The following ADAP1 variants were observed in gnomAD, a reference collection of about 807,000 sequenced individuals.
ADAP1 encodes the protein ArfGAP with dual PH domains 1.
In ADAP1, 31 loss-of-function variants were observed where a neutral mutation model predicts 54.9. The observed-to-expected ratio is 0.56, with a 90% CI of 0.42 to 0.76. The LOEUF is 0.76. Among genes scored for constraint, ADAP1 ranks in the 30% least tolerant of loss-of-function variants. ADAP1 has a pLI of 0.00. For missense variants in ADAP1, 535 were observed against 512.4 expected (o/e 1.04, Z -0.42); for synonymous variants, 313 against 202.6 (o/e 1.55, Z -4.63).
rs757580530 is a variant in ADAP1 at position 920,758 on chromosome 7, C to T, written c.306-708G>A. 1.9e-5 allele frequency: 30 copies of T among 1,542,252 alleles called. No individual in the cohort carries two copies. Among genetic ancestry groups the T allele is most frequent in the South Asian group, 1.1e-4 (9 of 83,706 alleles). On this transcript the variant is annotated intron_variant, in intron 3 of 10. Coordinates refer to ENST00000265846, the MANE Select transcript of ADAP1 (RefSeq NM_006869.4). The surrounding 1 kb of genome is among the most constrained non-coding windows in gnomAD (Gnocchi z 4.5). ...CATCCCTGCCCAGAGCCACCCACCACGGCCTCCCCATCCACCGTGACTCAC... is the reference window on the plus strand; with the variant it reads ...CATCCCTGCCCAGAGCCACCCACCATGGCCTCCCCATCCACCGTGACTCAC...
rs1847140545 is a variant in ADAP1, at chr7:946,392, G to A, written c.82+8004C>T. Among the ~76,000 whole-genome samples the A allele has an allele frequency of 6.6e-6, 1 of 151,922 alleles. No homozygotes were observed. Among genetic ancestry groups the A allele is most frequent in the Non-Finnish European group, 1.5e-5 (1 of 67,970 alleles). ...GGCGGCCCTGGTCCCATTCCATTGTGAGGATGGGGCCCTTTGGCCCTAGGA... is the reference window on the plus strand; with the variant it reads ...GGCGGCCCTGGTCCCATTCCATTGTAAGGATGGGGCCCTTTGGCCCTAGGA... On this transcript the variant is annotated intron_variant, in intron 1 of 10. Coordinates refer to ENST00000265846, the MANE Select transcript of ADAP1 (RefSeq NM_006869.4). This position sits in a 1 kb window ranked among gnomAD's most constrained non-coding sequence, Gnocchi z 4.3.
intron 4 of ADAP1, chr7:905,723 G>GA (rs147722082): frequency 0.16 from 1,131 of 6,978 alleles, 23 homozygotes; most frequent in African/African-American, 0.21. Flanking sequence ...AAGGAGAAAG[G>GA]GAAAGGAGAA....
intron 4 of ADAP1, among the ~76,000 whole-genome samples, chr7:913,196 TC>T (rs1328154457): frequency 2.7e-5 from 3 of 110,916 alleles, no homozygotes; most frequent in East Asian, 2.5e-4. Context: ...CTCCTCCCCT[TC>T]CTTTTTTTTT....
rs979006107 is a variant in ADAP1 at position 942,209 on chromosome 7, G to T, written c.83-6704C>A. Reference sequence around the variant, plus strand: ...AATTTTAAAAGAAAACAGGAGAAAAGTCTCCGTAACTTTGGGTTAGGCAAA... The same window carrying T: ...AATTTTAAAAGAAAACAGGAGAAAATTCTCCGTAACTTTGGGTTAGGCAAA... On this transcript the variant is annotated intron_variant, in intron 1 of 10. Transcript: ENST00000265846. 4.7e-4 allele frequency among the ~76,000 whole-genome samples: 71 copies of T among 152,254 alleles called. 1 individual carries two copies. The highest frequency in any genetic ancestry group is 1.7e-3 in the African/African-American group (69 of 41,548).
chr7:899,964 C>CACAG, intron 8 of ADAP1, 138 bp downstream of exon 8: 1 of 1,069,062 alleles, frequency 9.4e-7, no homozygotes, highest in Non-Finnish European at 1.4e-6. Flanking sequence ...CCCGGCCAGG[C>CACAG]ACAGACAAGG....
At chr7:954,784 G>A (rs1182369569), upstream of ADAP1, 20 of 891,552 alleles carry the variant, frequency 2.2e-5, no homozygotes, top group Non-Finnish European at 2.7e-5. Context: ...CGGCCGCTCC[G>A]GCGCCCCCAG....
rs149078003 is a variant in ADAP1 at position 919,306 on chromosome 7, C to A, written c.388+662G>T. Among the ~76,000 whole-genome samples, 354 of 152,286 alleles carry A rather than the reference C, an allele frequency of 2.3e-3. 2 individuals are homozygous for A. Among genetic ancestry groups the A allele is most frequent in the African/African-American group, 7.6e-3 (314 of 41,568 alleles). ...GGAGACAGGGGTCCCTGCAGGCCAC[C>A]CCCGAATGGAAGTGCGTGGCCACCA... On this transcript the variant is annotated intron_variant, in intron 4 of 10. Transcript: ENST00000265846.
chr7:919,859 T>TGGGGGAGGGAGGGAAAGAGATGGGG (rs1846114912), intron 4 of ADAP1, 109 bp downstream of exon 4: 2 of 169,828 alleles, frequency 1.2e-5, no homozygotes, highest in Non-Finnish European at 2.0e-5. Context: ...GGGAAAGAGA[T>TGGGGGAGGGAGGGAAAGAGATGGGG]GGGGGAGGGA....
intron 4 of ADAP1, among the ~76,000 whole-genome samples, chr7:911,951 C>A (rs1845741663): frequency 6.6e-6 from 1 of 152,152 alleles, no homozygotes; most frequent in Non-Finnish European, 1.5e-5. Context: ...AACACCCGTC[C>A]CCTCATGGGC....
rs769430317 is a variant in ADAP1 at position 900,062 on chromosome 7, T to TACCCCAGGCC, written c.795+30_795+39dup. The TACCCCAGGCC allele has an allele frequency of 7.3e-5, 118 of 1,610,766 alleles. No homozygotes were observed. In the African/African-American group the frequency reaches 1.0e-3, roughly 14 times the overall value. ...CTTCAGTCCGAGACCCACCATGGCG[T>TACCCCAGGCC]ACCCCAGGCCACCCCAGGCCGCACG... On this transcript the variant is annotated intron_variant, in intron 8 of 10. Coordinates refer to ENST00000265846, the MANE Select transcript of ADAP1 (RefSeq NM_006869.4).
Position 905,450 on chromosome 7 carries a change from AGAAAGG to A in ADAP1, c.389-284_389-279del, listed in dbSNP as rs1372307643. On this transcript the variant is annotated intron_variant, in intron 4 of 10. Coordinates refer to ENST00000265846, the MANE Select transcript of ADAP1 (RefSeq NM_006869.4). ...GGAGAAAGGAGAAAGGGAGAAAGGG[AGAAAGG>A]GAAAGGAGAAAGGAGAAAGGGAAAG... 55 of 109,698 alleles carry A rather than the reference AGAAAGG, an allele frequency of 5.0e-4. 2 individuals carry two copies. Among genetic ancestry groups the A allele is most frequent in the Non-Finnish European group, 6.4e-4 (40 of 62,440 alleles). 6.8% of individuals were successfully genotyped at this position (109,698 alleles called of 1,614,324 possible).
At chr7:930,693 C>T (rs899323173) in intron 2 of ADAP1, among the ~76,000 whole-genome samples, 4 of 151,914 alleles carry the variant, frequency 2.6e-5, no homozygotes, top group Non-Finnish European at 5.9e-5. Flanking sequence ...GTGGCACACA[C>T]CTGTGATCCC....
rs55822440 is a variant in ADAP1, at chr7:906,672, C to T, written c.389-1500G>A. Among the ~76,000 whole-genome samples, 7 of 77,102 alleles carry T rather than the reference C, an allele frequency of 9.1e-5. 3 individuals carry two copies. The highest frequency in any genetic ancestry group is 5.2e-4 in the African/African-American group (7 of 13,458). 50.6% of individuals were successfully genotyped at this position (77,102 alleles called of 152,430 possible). On this transcript the variant is annotated intron_variant, in intron 4 of 10. Transcript: ENST00000265846. ...AGGAGAAAGGGGGCGGGAAAGGGGA[C>T]ATGGACAGGGGACACGGGGGACATG...
At chr7:907,061 C>A in intron 4 of ADAP1, among the ~76,000 whole-genome samples, 1 of 152,144 alleles carries the variant, frequency 6.6e-6, no homozygotes, top group East Asian at 1.9e-4. Flanking sequence ...TCCCTCCTCC[C>A]TCAGCCGTCC....
chr7:919,960 G>A lies in ADAP1; in HGVS notation c.388+8C>T, dbSNP rs777614011. On this transcript the variant is annotated splice_region_variant and intron_variant, in intron 4 of 10. Coordinates refer to ENST00000265846, the MANE Select transcript of ADAP1 (RefSeq NM_006869.4). ...CCGGGAGGCCCCACCCCACCCGGGTGGCCTCACCTGCCGAGTAGGGCTCCT... is the reference window on the plus strand; with the variant it reads ...CCGGGAGGCCCCACCCCACCCGGGTAGCCTCACCTGCCGAGTAGGGCTCCT... The A allele has an allele frequency of 3.1e-6, 5 of 1,602,596 alleles. No homozygotes were observed. In the Admixed American group the frequency reaches 5.0e-5, roughly 16 times the overall value.
In ADAP1 at chr7:954,513, G is replaced by A; in HGVS notation, c.-36C>T. On this transcript the variant is annotated 5_prime_UTR_variant, in exon 1 of 11. Transcript: ENST00000265846. ...CGCCCGCGATGCCGATGCCGGGGCC[G>A]GGGCCGGGAGCGTCAGCCCGGCTCG... The A allele has an allele frequency of 4.0e-6, 4 of 1,007,798 alleles. No homozygotes were observed. Among genetic ancestry groups the A allele is most frequent in the Non-Finnish European group, 4.7e-6 (4 of 846,744 alleles). 62.4% of individuals were successfully genotyped at this position (1,007,798 alleles called of 1,614,324 possible).
At position 915,779 on chromosome 7, in the gene ADAP1, A is replaced by G. The variant is rs191397524; in HGVS notation, c.388+4189T>C. ...TCACCACCTCCTGGCCCTGAGCCCA[A>G]TGACACCCATATACCCCTGCAGAAC... On this transcript the variant is annotated intron_variant, in intron 4 of 10. Coordinates refer to ENST00000265846, the MANE Select transcript of ADAP1 (RefSeq NM_006869.4). Among the ~76,000 whole-genome samples, 828 of 152,190 alleles carry G rather than the reference A, an allele frequency of 5.4e-3. 8 individuals are homozygous for G. Among genetic ancestry groups the G allele is most frequent in the African/African-American group, 0.019 (773 of 41,518 alleles).
rs904690427 is a variant in ADAP1 at position 900,523 on chromosome 7, C to T, written c.732+10G>A. On this transcript the variant is annotated intron_variant, in intron 7 of 10. Coordinates refer to ENST00000265846, the MANE Select transcript of ADAP1 (RefSeq NM_006869.4). ...TCTGCCCTGGAGCTGACCGCAGGGCCGCCACTCACATCTGCGTCGCCGGCC... is the reference window on the plus strand; with the variant it reads ...TCTGCCCTGGAGCTGACCGCAGGGCTGCCACTCACATCTGCGTCGCCGGCC... The T allele has an allele frequency of 2.6e-5, 42 of 1,600,074 alleles. No homozygotes were observed. The highest frequency in any genetic ancestry group is 7.8e-5 in the South Asian group (7 of 89,390).
Position 920,066 on chromosome 7 carries a change from A to G in ADAP1, c.306-16T>C. 1 of 1,602,832 alleles carries G rather than the reference A, an allele frequency of 6.2e-7. No homozygotes were observed. Among genetic ancestry groups the G allele is most frequent in the Non-Finnish European group, 8.5e-7 (1 of 1,178,790 alleles). ...TCGAAGGAGCCTGTGGGGAGAGGAG[A>G]GACTGAGCCACTGGGCCAAGGCGGC... On this transcript the variant is annotated splice_polypyrimidine_tract_variant and intron_variant, in intron 3 of 10. Coordinates refer to ENST00000265846, the MANE Select transcript of ADAP1 (RefSeq NM_006869.4). The surrounding 1 kb of genome is among the most constrained non-coding windows in gnomAD (Gnocchi z 4.5).
Sources: allele counts gnomAD v4.1 joint callset (sites outside exome capture counted in the v4.1 genomes callset), GRCh38; gene constraint gnomAD v4.1.1; non-coding constraint Gnocchi (gnomAD v3.1); transcripts MANE v1.5; gene names NCBI Gene and HGNC (gene_info 2026-07-23, HGNC 2026-07-21).